The following PHLDB2 variants were observed in gnomAD, a reference collection of about 807,000 sequenced individuals.
The protein encoded by PHLDB2 is pleckstrin homology-like domain family B member 2.
A neutral mutation model predicts 123.6 loss-of-function variants in PHLDB2; 71 were observed. That is an observed-to-expected ratio of 0.57 (90% CI 0.47 to 0.70). The LOEUF (loss-of-function observed/expected upper bound fraction) is 0.70, where lower values mean the gene tolerates loss of function less well. Ranked by LOEUF, PHLDB2 falls within the 30% of genes least tolerant of loss-of-function variation. The pLI, the probability that PHLDB2 is intolerant of heterozygous loss-of-function variation, is 0.00. For missense variants in PHLDB2, 1,446 were observed against 1,519.5 expected (o/e 0.95, Z 0.80); for synonymous variants, 547 against 541.6 (o/e 1.01, Z -0.14).
chr3:111,852,162 C>A (rs1021756745), intron 2 of PHLDB2, among the ~76,000 whole-genome samples: 1 of 151,664 alleles, frequency 6.6e-6, no homozygotes, highest in Admixed American at 6.6e-5. Flanking sequence ...GAATCCTGGC[C>A]CCTGCTCTCA....
chr3:111,879,985 C>CTTT (rs33958199), intron 1 of PHLDB2, among the ~76,000 whole-genome samples: 2 of 108,254 alleles, frequency 1.8e-5, no homozygotes, highest in Non-Finnish European at 1.8e-5. Flanking sequence ...TACCCACTGC[C>CTTT]TTTTTTTTTT....
At chr3:111,857,078 C>T (rs2064544158), upstream of PHLDB2, among the ~76,000 whole-genome samples, 1 of 152,012 alleles carries the variant, frequency 6.6e-6, no homozygotes, top group Non-Finnish European at 1.5e-5. Context: ...GCAATTAGAA[C>T]AAAGGCCCTG....
intron 10 of PHLDB2, chr3:111,949,828 G>A: frequency 1.0e-6 from 1 of 985,838 alleles, no homozygotes; most frequent in Non-Finnish European, 1.2e-6. Context: ...ACCTTTAAAT[G>A]ACACACCTCC....
chr3:111,863,963 CT>C (rs1160718737), intron 1 of PHLDB2, among the ~76,000 whole-genome samples: 1 of 152,164 alleles, frequency 6.6e-6, no homozygotes. Context: ...AGCTGTCCTC[CT>C]GTGGTAGTTA....
chr3:111,864,504 A>T (rs2064975464), intron 1 of PHLDB2, among the ~76,000 whole-genome samples: 1 of 152,170 alleles, frequency 6.6e-6, no homozygotes, highest in African/African-American at 2.4e-5. Flanking sequence ...ACGCTTAAGG[A>T]TGTTTCTTAG....
intron 2 of PHLDB2, among the ~76,000 whole-genome samples, chr3:111,848,290 A>G (rs2108593264): frequency 6.6e-6 from 1 of 152,336 alleles, no homozygotes; most frequent in Non-Finnish European, 1.5e-5. Flanking sequence ...ATTATTCATC[A>G]AGGGTAAGGT....
chr3:111,808,575 G>C (rs1054247915), intron 1 of PHLDB2, among the ~76,000 whole-genome samples: 2 of 151,896 alleles, frequency 1.3e-5, no homozygotes, highest in Non-Finnish European at 2.9e-5. Flanking sequence ...TGGTGCTGGG[G>C]TCTGGGACAT....
Position 111,830,973 on chromosome 3 carries a change from G to GA in PHLDB2, c.-48-14845dup, listed in dbSNP as rs1260552832. Reference sequence around the variant, plus strand: ...AAAGAAAGAGAAAGAAAGAAAGAAAGAAAGAAAGAAAGAAAGAAAGAAAGA... The same window carrying GA: ...AAAGAAAGAGAAAGAAAGAAAGAAAGAAAAGAAAGAAAGAAAGAAAGAAAGA... On this transcript the variant is annotated intron_variant, in intron 1 of 17. Coordinates refer to the PHLDB2 transcript ENST00000393923. 5.2e-4 allele frequency among the ~76,000 whole-genome samples: 19 copies of GA among 36,632 alleles called. 3 individuals carry two copies. Among genetic ancestry groups the GA allele is most frequent in the African/African-American group, 3.0e-3 (19 of 6,306 alleles). 24.0% of individuals were successfully genotyped at this position (36,632 alleles called of 152,430 possible). A position where few individuals can be genotyped will look rare whatever the true frequency, so the allele number is the denominator to read the frequency against.
upstream of PHLDB2, among the ~76,000 whole-genome samples, chr3:111,858,214 A>C (rs1463108745): frequency 6.6e-6 from 1 of 152,150 alleles, no homozygotes; most frequent in Non-Finnish European, 1.5e-5. Flanking sequence ...ACAGAAAACC[A>C]AACACTGCAT....
rs545629209 is a variant in PHLDB2, at chr3:111,834,898, C to G, written c.-48-10923C>G. ...TTGGACACTGACTTTAGCTTCGGAA[C>G]TGGTTTTTATATATCCTTTCTACAC... On this transcript the variant is annotated intron_variant, in intron 1 of 17. Transcript: ENST00000393923. Among the ~76,000 whole-genome samples the G allele has an allele frequency of 3.9e-5, 6 of 152,180 alleles. No homozygotes were observed. The East Asian group carries it at 1.2e-3, about 29-fold the overall frequency.
At chr3:111,887,604 C>T (rs2066249731) in intron 2 of PHLDB2, among the ~76,000 whole-genome samples, 1 of 152,178 alleles carries the variant, frequency 6.6e-6, no homozygotes, top group Non-Finnish European at 1.5e-5. Flanking sequence ...GTATGAATGC[C>T]AAAGGGTTTT....
At chr3:111,776,131 A>C (rs1352008856) in intron 1 of PHLDB2, among the ~76,000 whole-genome samples, 2 of 152,194 alleles carry the variant, frequency 1.3e-5, no homozygotes, top group African/African-American at 4.8e-5. Context: ...GAAGGCAGTC[A>C]TGTAAGAATC....
At chr3:111,973,968 G>A in intron 17 of PHLDB2, 151 bp downstream of exon 17, 1 of 502,312 alleles carries the variant, frequency 2.0e-6, no homozygotes, top group Non-Finnish European at 3.6e-6. Flanking sequence ...TGAAGTAAGT[G>A]GGATGGCCGT....
chr3:111,900,634 A>G (rs2067141984), intron 2 of PHLDB2, among the ~76,000 whole-genome samples: 1 of 152,218 alleles, frequency 6.6e-6, no homozygotes, highest in African/African-American at 2.4e-5. Context: ...TGATCAGATC[A>G]TCATAACAGA....
intron 2 of PHLDB2, among the ~76,000 whole-genome samples, chr3:111,888,789 A>T (rs2066321115): frequency 6.6e-6 from 1 of 152,226 alleles, no homozygotes; most frequent in African/African-American, 2.4e-5. Flanking sequence ...ATTGCATCAA[A>T]ATCATGCAAA....
At chr3:111,794,868 A>G (rs964780410) in intron 1 of PHLDB2, among the ~76,000 whole-genome samples, 5 of 152,178 alleles carry the variant, frequency 3.3e-5, no homozygotes, top group African/African-American at 1.2e-4. Flanking sequence ...CAGGGCCTAC[A>G]GCATGTAGCT....
At chr3:111,871,008 A>G (rs1028146752) in intron 1 of PHLDB2, among the ~76,000 whole-genome samples, 1 of 152,016 alleles carries the variant, frequency 6.6e-6, no homozygotes, top group African/African-American at 2.4e-5. Flanking sequence ...CCCAAACCCT[A>G]ATTTTTTTTT....
At chr3:111,944,369 A>AT (rs2070139806) in intron 8 of PHLDB2, among the ~76,000 whole-genome samples, 1 of 109,436 alleles carries the variant, frequency 9.1e-6, no homozygotes, top group Admixed American at 9.6e-5. Context: ...CACTGAATGC[A>AT]CTTTTTTTTT....
chr3:111,942,646 A>C (rs1228224491), intron 8 of PHLDB2, among the ~76,000 whole-genome samples: 1 of 152,072 alleles, frequency 6.6e-6, no homozygotes, highest in African/African-American at 2.4e-5. Flanking sequence ...ATGCCTCCCA[A>C]GCATAGTGAC....
Sources: gnomAD v4.1 joint callset for allele counts (sites outside exome capture counted in the v4.1 genomes callset) on GRCh38, gnomAD v4.1.1 for gene constraint, MANE v1.5 for transcripts, NCBI Gene and HGNC (gene_info 2026-07-23, HGNC 2026-07-21) for gene names.